The following UNC5C variants were observed in gnomAD, a reference collection of about 807,000 sequenced individuals.
The protein encoded by UNC5C is netrin receptor UNC5C.
UNC5C carries 47 observed loss-of-function variants against 99.8 expected under a neutral mutation model. That is an observed-to-expected ratio of 0.47 (90% CI 0.37 to 0.60). UNC5C has a LOEUF of 0.60. UNC5C is among the 20% of genes least tolerant of loss of function. The pLI, the probability that UNC5C is intolerant of heterozygous loss-of-function variation, is 0.00. For missense variants in UNC5C, 1,062 were observed against 1,165.9 expected (o/e 0.91, Z 1.30); for synonymous variants, 487 against 452.2 (o/e 1.08, Z -0.98).
intron 1 of UNC5C, among the ~76,000 whole-genome samples, chr4:95,546,691 A>G (rs1299465119): frequency 6.6e-6 from 1 of 152,234 alleles, no homozygotes; most frequent in Non-Finnish European, 1.5e-5. Context: ...CCTACGCTAC[A>G]AAAAGTGCAA....
intron 12 of UNC5C, among the ~76,000 whole-genome samples, chr4:95,190,980 C>CATTA (rs1333088805): frequency 6.6e-6 from 1 of 152,198 alleles, no homozygotes; most frequent in Non-Finnish European, 1.5e-5. Context: ...CATGCCAAGC[C>CATTA]ATTAGCCTGG....
intron 2 of UNC5C, among the ~76,000 whole-genome samples, chr4:95,303,008 G>T (rs1002371146): frequency 6.6e-6 from 1 of 152,098 alleles, no homozygotes; most frequent in Non-Finnish European, 1.5e-5. Context: ...AGTTAGCTTG[G>T]TTCAATCATA....
intron 4 of UNC5C, among the ~76,000 whole-genome samples, chr4:95,272,561 A>G (rs975200231): frequency 6.6e-6 from 1 of 152,196 alleles, no homozygotes; most frequent in Non-Finnish European, 1.5e-5. Context: ...TTCACCCCAA[A>G]AAGTATGGGA....
intron 1 of UNC5C, among the ~76,000 whole-genome samples, chr4:95,411,501 A>G (rs1383416124): frequency 6.6e-6 from 1 of 152,200 alleles, no homozygotes; most frequent in African/African-American, 2.4e-5. Context: ...AGGAAATAGT[A>G]ACTCTCTGGT....
chr4:95,523,922 A>T (rs183904796), intron 1 of UNC5C, among the ~76,000 whole-genome samples: 5 of 152,286 alleles, frequency 3.3e-5, no homozygotes, highest in African/African-American at 1.2e-4. Context: ...GAAGAAAAAT[A>T]AGAAGAAATA....
chr4:95,524,669 C>T (rs1270372569), intron 1 of UNC5C, among the ~76,000 whole-genome samples: 4 of 152,152 alleles, frequency 2.6e-5, no homozygotes, highest in African/African-American at 9.7e-5. Context: ...ACATTCAGCC[C>T]ACTTACTCAC....
intron 4 of UNC5C, among the ~76,000 whole-genome samples, chr4:95,277,682 T>C (rs1180383821): frequency 2.0e-5 from 3 of 152,178 alleles, no homozygotes; most frequent in African/African-American, 7.2e-5. Flanking sequence ...TAGCAACCAA[T>C]AGGCTTTGTT....
chr4:95,395,890 C>G (rs2149446713), intron 1 of UNC5C, among the ~76,000 whole-genome samples: 1 of 152,306 alleles, frequency 6.6e-6, no homozygotes, highest in African/African-American at 2.4e-5. Flanking sequence ...AAGCCACAAG[C>G]CCATGAAGAC....
intron 14 of UNC5C, among the ~76,000 whole-genome samples, chr4:95,171,672 T>G (rs1736117262): frequency 6.6e-6 from 1 of 151,996 alleles, no homozygotes; most frequent in Non-Finnish European, 1.5e-5. Flanking sequence ...AAGTCTTTGC[T>G]ATTGTGAATA....
chr4:95,311,171 A>C (rs1742261975), intron 2 of UNC5C, among the ~76,000 whole-genome samples: 1 of 152,168 alleles, frequency 6.6e-6, no homozygotes, highest in Admixed American at 6.6e-5. Context: ...AATTCTTTTT[A>C]ACTTTGGTGA....
chr4:95,266,579 C>T (rs1001862727), intron 4 of UNC5C, among the ~76,000 whole-genome samples: 3 of 152,118 alleles, frequency 2.0e-5, no homozygotes, highest in African/African-American at 4.8e-5. Flanking sequence ...TTTATAGTTT[C>T]GCTGTTACTG....
intron 1 of UNC5C, among the ~76,000 whole-genome samples, chr4:95,367,469 G>GT (rs1018231960): frequency 7.2e-5 from 11 of 152,042 alleles, no homozygotes; most frequent in African/African-American, 2.6e-4. Context: ...GTGAGCCACC[G>GT]TACTGGCCTT....
intron 4 of UNC5C, among the ~76,000 whole-genome samples, chr4:95,277,322 C>T (rs933882523): frequency 6.6e-6 from 1 of 152,104 alleles, no homozygotes; most frequent in Non-Finnish European, 1.5e-5. Context: ...AGTTTGGAGG[C>T]CAACAAGGAC....
At chr4:95,192,867 T>C (rs967703164) in intron 12 of UNC5C, among the ~76,000 whole-genome samples, 3 of 152,218 alleles carry the variant, frequency 2.0e-5, no homozygotes, top group Non-Finnish European at 4.4e-5. Flanking sequence ...AGTTATGCTA[T>C]TTGTGGATTA....
chr4:95,301,860 C>A (rs1310333816), intron 2 of UNC5C, 111 bp from the exon 3 acceptor site: 1 of 1,334,094 alleles, frequency 7.5e-7, no homozygotes, highest in African/African-American at 1.5e-5. Flanking sequence ...CATAGATCAA[C>A]AACCCAGATA....
At chr4:95,461,852 C>G (rs549712289) in intron 1 of UNC5C, among the ~76,000 whole-genome samples, 1 of 152,310 alleles carries the variant, frequency 6.6e-6, no homozygotes, top group African/African-American at 2.4e-5. Flanking sequence ...AGATTGCTTT[C>G]CCTGCTAACC....
chr4:95,188,068 T>G (rs749466923), intron 12 of UNC5C, among the ~76,000 whole-genome samples: 2 of 152,212 alleles, frequency 1.3e-5, no homozygotes, highest in Non-Finnish European at 2.9e-5. Context: ...TAAAAATACA[T>G]AAGATCCTGT....
chr4:95,317,325 G>C (rs181357765), intron 2 of UNC5C, among the ~76,000 whole-genome samples: 23 of 152,270 alleles, frequency 1.5e-4, no homozygotes, highest in Admixed American at 1.4e-3. Context: ...GAAATCAGGG[G>C]GAAAAATCTA....
At chr4:95,277,655 G>T (rs1740910976) in intron 4 of UNC5C, among the ~76,000 whole-genome samples, 1 of 152,176 alleles carries the variant, frequency 6.6e-6, no homozygotes, top group African/African-American at 2.4e-5. Context: ...GTATGCATCT[G>T]ATTTGTAATA....
Sources: gnomAD v4.1 joint callset for allele counts (sites outside exome capture counted in the v4.1 genomes callset) on GRCh38, gnomAD v4.1.1 for gene constraint, MANE v1.5 for transcripts, NCBI Gene and HGNC (gene_info 2026-07-23, HGNC 2026-07-21) for gene names.